Variants in MAGI2 observed in about 807,000 individuals in gnomAD.
MAGI2 encodes membrane associated guanylate kinase, WW and PDZ domain containing 2.
MAGI2 carries 35 observed loss-of-function variants against 133.3 expected under a neutral mutation model. The ratio of observed to expected loss-of-function variants is 0.26; its 90% CI spans 0.20 to 0.35. The LOEUF (loss-of-function observed/expected upper bound fraction) is 0.35, where lower values mean the gene tolerates loss of function less well. Ranked by LOEUF, MAGI2 falls within the 10% of genes least tolerant of loss-of-function variation. MAGI2 has a pLI of 1.00. For synonymous variants in MAGI2, 729 were observed against 710.6 expected, an observed-to-expected ratio of 1.03 and a Z score of -0.41; for missense variants, 1,636 against 1,863.4, an observed-to-expected ratio of 0.88 and a Z score of 2.25.
chr7:78,071,398 A>G (rs1814679477), intron 21 of MAGI2, among the ~76,000 whole-genome samples: 1 of 152,120 alleles, frequency 6.6e-6, no homozygotes. Flanking sequence ...TTAGTTGGGC[A>G]TGGTGGTGCA....
chr7:79,229,794 AT>A (rs1563020953), intron 1 of MAGI2, among the ~76,000 whole-genome samples: 4 of 151,538 alleles, frequency 2.6e-5, no homozygotes, highest in South Asian at 4.2e-4. Context: ...TTTTTTAAAA[AT>A]TTTTTTTTAT....
intron 9 of MAGI2, among the ~76,000 whole-genome samples, chr7:78,337,413 A>T (rs890577432): frequency 6.6e-6 from 1 of 152,182 alleles, no homozygotes; most frequent in African/African-American, 2.4e-5. Context: ...GTGCTGACTA[A>T]GAAAGAAATA....
chr7:79,392,091 G>A (rs1844701218), intron 1 of MAGI2, among the ~76,000 whole-genome samples: 1 of 152,064 alleles, frequency 6.6e-6, no homozygotes, highest in Non-Finnish European at 1.5e-5. Context: ...TACCACTTAT[G>A]AGTAAGAACA....
intron 1 of MAGI2, among the ~76,000 whole-genome samples, chr7:79,109,719 A>G (rs1169877450): frequency 6.6e-6 from 1 of 152,168 alleles, no homozygotes; most frequent in Non-Finnish European, 1.5e-5. Context: ...CATAATTAAG[A>G]AGGAGCTGAG....
intron 2 of MAGI2, among the ~76,000 whole-genome samples, chr7:78,755,056 A>C (rs1338698518): frequency 6.6e-6 from 1 of 152,226 alleles, no homozygotes; most frequent in Non-Finnish European, 1.5e-5. Context: ...CAACCTTTGC[A>C]GGCCAAAGTA....
At chr7:78,198,571 A>G (rs1436283283) in intron 11 of MAGI2, among the ~76,000 whole-genome samples, 1 of 152,060 alleles carries the variant, frequency 6.6e-6, no homozygotes, top group Non-Finnish European at 1.5e-5. Context: ...AGCTGGGACT[A>G]CAGGCATATG....
chr7:78,501,466 A>G (rs1794613058), intron 5 of MAGI2, 111 bp downstream of exon 5: 1 of 957,732 alleles, frequency 1.0e-6, no homozygotes. Flanking sequence ...AGCTGTTACC[A>G]GAATTTCATG....
intron 6 of MAGI2, among the ~76,000 whole-genome samples, chr7:78,414,668 GC>G (rs1798146473): frequency 2.0e-5 from 3 of 151,734 alleles, no homozygotes; most frequent in Admixed American, 6.6e-5. Context: ...ACACACCCCT[GC>G]CCCCCTTCTT....
At chr7:78,849,960 C>T (rs1030046811) in intron 2 of MAGI2, among the ~76,000 whole-genome samples, 1 of 151,974 alleles carries the variant, frequency 6.6e-6, no homozygotes, top group African/African-American at 2.4e-5. Context: ...AGAAACTTTG[C>T]AGATTACCAA....
chr7:79,245,931 G>A (rs897144289), intron 1 of MAGI2, among the ~76,000 whole-genome samples: 1 of 152,178 alleles, frequency 6.6e-6, no homozygotes, highest in African/African-American at 2.4e-5. Context: ...AGCACAGAAA[G>A]AGACTCCATT....
chr7:79,270,683 T>G (rs1834811746), intron 1 of MAGI2, among the ~76,000 whole-genome samples: 1 of 152,116 alleles, frequency 6.6e-6, no homozygotes, highest in Non-Finnish European at 1.5e-5. Flanking sequence ...CCAGGATCTC[T>G]GCCATTAATT....
At chr7:78,893,063 G>T (rs1308768347) in intron 2 of MAGI2, among the ~76,000 whole-genome samples, 1 of 151,762 alleles carries the variant, frequency 6.6e-6, no homozygotes, top group Non-Finnish European at 1.5e-5. Flanking sequence ...TCAAAAAGTG[G>T]GCAAAGGATA....
intron 1 of MAGI2, among the ~76,000 whole-genome samples, chr7:79,264,159 C>A (rs537380356): frequency 6.6e-6 from 1 of 152,284 alleles, no homozygotes; most frequent in South Asian, 2.1e-4. Context: ...CATCTCAGTG[C>A]ACACTACCCA....
chr7:78,396,715 C>T (rs1237201389), intron 6 of MAGI2, among the ~76,000 whole-genome samples: 1 of 152,054 alleles, frequency 6.6e-6, no homozygotes, highest in Non-Finnish European at 1.5e-5. Flanking sequence ...CTTATTCAAT[C>T]AATGGATAAG....
At chr7:78,296,588 C>T (rs372454804) in intron 9 of MAGI2, among the ~76,000 whole-genome samples, 73 of 152,272 alleles carry the variant, frequency 4.8e-4, no homozygotes, top group African/African-American at 1.6e-3. Context: ...GCCTTGTACC[C>T]AGAGAGTTTG....
At chr7:79,039,133 C>T (rs558006743) in intron 1 of MAGI2, among the ~76,000 whole-genome samples, 5 of 152,100 alleles carry the variant, frequency 3.3e-5, no homozygotes, top group African/African-American at 4.8e-5. Flanking sequence ...CTGCTCCCCC[C>T]ATGCTGTTCT....
chr7:79,267,284 G>A (rs1416971996), intron 1 of MAGI2, among the ~76,000 whole-genome samples: 1 of 152,104 alleles, frequency 6.6e-6, no homozygotes, highest in East Asian at 1.9e-4. Context: ...TACTGCACTG[G>A]GTAAGGGGAC....
At chr7:78,465,910 T>C (rs1790576007) in intron 6 of MAGI2, among the ~76,000 whole-genome samples, 1 of 152,128 alleles carries the variant, frequency 6.6e-6, no homozygotes, top group South Asian at 2.1e-4. Context: ...ACTTCGGCCG[T>C]AAAGCAAGAC....
At chr7:79,077,574 C>CAAAAAAAAAAAAAAAAAAAAAAAA (rs769770373) in intron 1 of MAGI2, among the ~76,000 whole-genome samples, 1 of 23,804 alleles carries the variant, frequency 4.2e-5, no homozygotes, top group African/African-American at 1.5e-4. Context: ...GACTGCCTCT[C>CAAAAAAAAAAAAAAAAAAAAAAAA]AAAAAAAAAA....
Sources: allele counts gnomAD v4.1 joint callset (sites outside exome capture counted in the v4.1 genomes callset), GRCh38; gene constraint gnomAD v4.1.1; transcripts MANE v1.5; gene names NCBI Gene and HGNC (gene_info 2026-07-23, HGNC 2026-07-21).